The following PTPRK variants were observed in gnomAD, a reference collection of about 807,000 sequenced individuals.
PTPRK encodes protein tyrosine phosphatase receptor type K.
Under a neutral mutation model 178.0 loss-of-function variants are expected in PTPRK, and 75 were observed. That is an observed-to-expected ratio of 0.42 (90% CI 0.35 to 0.51). The LOEUF (loss-of-function observed/expected upper bound fraction) is 0.51, where lower values mean the gene tolerates loss of function less well. Among genes scored for constraint, PTPRK ranks in the 20% least tolerant of loss-of-function variants. The pLI is 0.02. For missense variants in PTPRK, 1,441 were observed against 1,797.8 expected, an observed-to-expected ratio of 0.80 and a Z score of 3.59; for synonymous variants, 637 against 620.6, an observed-to-expected ratio of 1.03 and a Z score of -0.39.
chr6:128,102,062 A>G (rs767432419), intron 7 of PTPRK, among the ~76,000 whole-genome samples: 2 of 152,200 alleles, frequency 1.3e-5, no homozygotes, highest in Non-Finnish European at 2.9e-5. Flanking sequence ...CCCTCTCTAG[A>G]GATAAATGGT....
chr6:128,138,151 C>T (rs576572610), intron 7 of PTPRK, among the ~76,000 whole-genome samples: 49 of 152,144 alleles, frequency 3.2e-4, no homozygotes, highest in Middle Eastern at 3.4e-3. Flanking sequence ...TGGAAATAAT[C>T]CACGTGTTCT....
intron 7 of PTPRK, among the ~76,000 whole-genome samples, chr6:128,151,696 T>G (rs114119795): frequency 1.3e-5 from 2 of 151,978 alleles, no homozygotes; most frequent in African/African-American, 4.8e-5. Flanking sequence ...GTAGAGAACG[T>G]GGTATCTTAG....
intron 1 of PTPRK, among the ~76,000 whole-genome samples, chr6:128,515,318 T>G (rs1337315042): frequency 1.3e-5 from 2 of 152,216 alleles, no homozygotes; most frequent in Non-Finnish European, 2.9e-5. Flanking sequence ...ATTAATGTAT[T>G]ATTCACTTAC....
At chr6:128,265,207 G>C (rs1338437557) in intron 3 of PTPRK, among the ~76,000 whole-genome samples, 2 of 152,050 alleles carry the variant, frequency 1.3e-5, no homozygotes, top group Admixed American at 6.6e-5. Context: ...ACAATTACCC[G>C]ATATACCTTG....
At chr6:128,048,760 C>A (rs1778510353) in intron 13 of PTPRK, among the ~76,000 whole-genome samples, 1 of 152,148 alleles carries the variant, frequency 6.6e-6, no homozygotes, top group African/African-American at 2.4e-5. Context: ...AGGTTACAGG[C>A]AAACACTATG....
chr6:128,269,388 G>A (rs190650792), intron 3 of PTPRK, among the ~76,000 whole-genome samples: 70 of 152,018 alleles, frequency 4.6e-4, no homozygotes, highest in African/African-American at 1.4e-3. Context: ...GTAACAAGAG[G>A]ACATCATATG....
At chr6:128,273,043 G>A (rs969865979) in intron 3 of PTPRK, among the ~76,000 whole-genome samples, 2 of 152,172 alleles carry the variant, frequency 1.3e-5, no homozygotes, top group Admixed American at 6.5e-5. Flanking sequence ...AAAAGGATGA[G>A]TTCATGTCCT....
chr6:128,187,140 G>A (rs1283443211), intron 6 of PTPRK, among the ~76,000 whole-genome samples: 2 of 151,918 alleles, frequency 1.3e-5, no homozygotes, highest in Admixed American at 1.3e-4. Context: ...TATATCAAAT[G>A]GTAAATCTCA....
intron 1 of PTPRK, among the ~76,000 whole-genome samples, chr6:128,454,703 T>C (rs1449601586): frequency 6.6e-6 from 1 of 152,140 alleles, no homozygotes. Context: ...TATAGGCATC[T>C]CAGCACTGTT....
At chr6:128,417,932 GTA>G (rs1428335433) in intron 1 of PTPRK, among the ~76,000 whole-genome samples, 2 of 152,166 alleles carry the variant, frequency 1.3e-5, no homozygotes, top group African/African-American at 4.8e-5. Context: ...TCTGGGCAAT[GTA>G]TCACATTACT....
rs1562822213 is a variant in PTPRK, at chr6:128,224,899, C to G, written c.694-5803G>C. On this transcript the variant is annotated intron_variant, in intron 5 of 29. Coordinates refer to ENST00000368226, the MANE Select transcript of PTPRK (RefSeq NM_002844.4). ...CAGGATGGCATATCAGGCAGAGAGA[C>G]AGAGGAAGTTACTTATCAAATCTCT... 1.3e-5 allele frequency among the ~76,000 whole-genome samples: 2 copies of G among 152,158 alleles called. 1 individual carries two copies. The highest frequency in any genetic ancestry group is 4.1e-4 in the South Asian group (2 of 4,830).
At chr6:127,995,109 C>A in intron 18 of PTPRK, 5 of 795,404 alleles carry the variant, frequency 6.3e-6, no homozygotes, top group South Asian at 2.0e-5. Context: ...TACAAAAAAA[C>A]GAACAGAGAT....
chr6:128,427,386 T>C (rs555403172), intron 1 of PTPRK, among the ~76,000 whole-genome samples: 50 of 152,282 alleles, frequency 3.3e-4, no homozygotes, highest in African/African-American at 1.2e-3. Context: ...GCCTTCTATT[T>C]AGGTACACAG....
intron 1 of PTPRK, among the ~76,000 whole-genome samples, chr6:128,463,741 GTT>G (rs896710320): frequency 8.3e-5 from 8 of 96,882 alleles, no homozygotes; most frequent in African/African-American, 3.6e-4. Context: ...AATCTTCACG[GTT>G]TTTTTTTTTT....
intron 14 of PTPRK, among the ~76,000 whole-genome samples, chr6:128,006,271 A>C (rs942657868): frequency 1.3e-5 from 2 of 151,150 alleles, no homozygotes; most frequent in African/African-American, 4.8e-5. Flanking sequence ...ATAAAAATAA[A>C]ATTTAAAATA....
chr6:128,296,164 A>G (rs1259857772), intron 3 of PTPRK, among the ~76,000 whole-genome samples: 1 of 152,002 alleles, frequency 6.6e-6, no homozygotes, highest in Non-Finnish European at 1.5e-5. Context: ...GCTCACTGCC[A>G]TCTAGCCACA....
At chr6:128,447,231 C>T (rs1847149226) in intron 1 of PTPRK, among the ~76,000 whole-genome samples, 1 of 152,178 alleles carries the variant, frequency 6.6e-6, no homozygotes, top group Admixed American at 6.5e-5. Context: ...AGATTTCTAC[C>T]TGACCTGTGA....
At chr6:128,288,114 TC>T (rs1822807873) in intron 3 of PTPRK, among the ~76,000 whole-genome samples, 1 of 152,186 alleles carries the variant, frequency 6.6e-6, no homozygotes, top group African/African-American at 2.4e-5. Context: ...GATTTCTGGC[TC>T]TGTGATAGCT....
At chr6:128,249,089 T>C (rs1816009642) in intron 3 of PTPRK, among the ~76,000 whole-genome samples, 1 of 152,106 alleles carries the variant, frequency 6.6e-6, no homozygotes, top group Non-Finnish European at 1.5e-5. Context: ...ATTATATGAC[T>C]ACAATTTTCT....
Sources: gnomAD v4.1 joint callset for allele counts (sites outside exome capture counted in the v4.1 genomes callset) on GRCh38, gnomAD v4.1.1 for gene constraint, MANE v1.5 for transcripts, NCBI Gene and HGNC (gene_info 2026-07-23, HGNC 2026-07-21) for gene names.